The following MOB3B variants were observed in gnomAD, a reference collection of about 807,000 sequenced individuals.
MOB3B encodes MOB kinase activator 3B.
Under a neutral mutation model 18.7 loss-of-function variants are expected in MOB3B, and 7 were observed. The ratio of observed to expected loss-of-function variants is 0.37; its 90% confidence interval spans 0.21 to 0.70. The LOEUF (loss-of-function observed/expected upper bound fraction) is 0.70, where lower values mean the gene tolerates loss of function less well. Among genes scored for constraint, MOB3B ranks in the 30% least tolerant of loss-of-function variants. The pLI is 0.52. For synonymous variants in MOB3B, 111 were observed against 99.9 expected, an observed-to-expected ratio of 1.11 and a Z score of -0.66; for missense variants, 253 against 281.3, an observed-to-expected ratio of 0.90 and a Z score of 0.72.
At chr9:27,478,676 T>G (rs1028871075) in intron 1 of MOB3B, among the ~76,000 whole-genome samples, 8 of 152,162 alleles carry the variant, frequency 5.3e-5, no homozygotes, top group African/African-American at 1.9e-4. Context: ...ACACATTTAA[T>G]TGAAGTTCTG....
At chr9:27,517,368 T>C (rs1820251344) in intron 1 of MOB3B, among the ~76,000 whole-genome samples, 1 of 152,090 alleles carries the variant, frequency 6.6e-6, no homozygotes, top group East Asian at 1.9e-4. Context: ...AGAGGTAGAA[T>C]TGGCTGGGTG....
intron 1 of MOB3B, among the ~76,000 whole-genome samples, chr9:27,480,294 G>A (rs1819628638): frequency 7.0e-6 from 1 of 142,328 alleles, no homozygotes; most frequent in African/African-American, 2.7e-5. Context: ...ATGCCACCAT[G>A]CCCAGCTATT....
intron 2 of MOB3B, among the ~76,000 whole-genome samples, chr9:27,436,211 G>C (rs551383500): frequency 6.6e-6 from 1 of 152,218 alleles, no homozygotes; most frequent in Non-Finnish European, 1.5e-5. Flanking sequence ...ATGTGAGCTT[G>C]TACTTTGTAT....
chr9:27,524,138 A>G (rs528071437), intron 1 of MOB3B, among the ~76,000 whole-genome samples: 1 of 131,146 alleles, frequency 7.6e-6, no homozygotes, highest in South Asian at 2.7e-4. Flanking sequence ...AAGTCGGCAT[A>G]GTCACCCGAA....
At chr9:27,386,184 G>T (rs899974560) in intron 2 of MOB3B, among the ~76,000 whole-genome samples, 1 of 152,198 alleles carries the variant, frequency 6.6e-6, no homozygotes, top group East Asian at 1.9e-4. Context: ...TTGTGACTTT[G>T]GGCAGCCGAC....
At chr9:27,462,691 G>T (rs543329498) in intron 1 of MOB3B, among the ~76,000 whole-genome samples, 35 of 152,256 alleles carry the variant, frequency 2.3e-4, no homozygotes, top group African/African-American at 8.2e-4. Context: ...AAGGAAAAAG[G>T]TTCAAATTCA....
At position 27,412,402 on chromosome 9, in the gene MOB3B, G is replaced by A. The variant is rs147983587; in HGVS notation, c.418+42731C>T. ...TTTGTGGCAAAGCCCCCACCTTTCC[G>A]GATTCAAAAGGATTGTTGTCACTCA... On this transcript the variant is annotated intron_variant, in intron 2 of 3. Transcript: ENST00000262244. Among the ~76,000 whole-genome samples, 487 of 152,202 alleles carry A rather than the reference G, an allele frequency of 3.2e-3. 2 individuals carry two copies. Among genetic ancestry groups the A allele is most frequent in the African/African-American group, 0.011 (458 of 41,526 alleles).
At chr9:27,489,095 G>A (rs1373017476) in intron 1 of MOB3B, among the ~76,000 whole-genome samples, 1 of 152,214 alleles carries the variant, frequency 6.6e-6, no homozygotes, top group African/African-American at 2.4e-5. Flanking sequence ...CTTCTTCCTA[G>A]CCATTTTGAG....
intron 3 of MOB3B, among the ~76,000 whole-genome samples, chr9:27,349,549 C>T (rs1330740200): frequency 6.6e-6 from 1 of 152,188 alleles, no homozygotes; most frequent in Non-Finnish European, 1.5e-5. Context: ...GCCATACTGA[C>T]TATTTACATT....
chr9:27,524,860 A>G (rs745408520), intron 1 of MOB3B: 8 of 1,614,160 alleles, frequency 5.0e-6, no homozygotes, highest in Non-Finnish European at 5.9e-6. Context: ...TTCCTGAAAG[A>G]AAAGAAATAC....
intron 1 of MOB3B, among the ~76,000 whole-genome samples, chr9:27,504,191 T>C (rs193259897): frequency 1.4e-3 from 212 of 152,362 alleles, no homozygotes; most frequent in Admixed American, 2.3e-3. Flanking sequence ...ATTTATACGT[T>C]GGTATTCAGC....
intron 3 of MOB3B, among the ~76,000 whole-genome samples, chr9:27,350,263 A>G (rs1179305088): frequency 6.6e-6 from 1 of 150,392 alleles, no homozygotes; most frequent in African/African-American, 2.4e-5. Context: ...AGCATTATCT[A>G]TAGTAATACC....
intron 1 of MOB3B, among the ~76,000 whole-genome samples, chr9:27,496,572 C>T (rs543967017): frequency 2.6e-5 from 4 of 152,188 alleles, no homozygotes; most frequent in Non-Finnish European, 4.4e-5. Flanking sequence ...TGTGGTTAAC[C>T]GTGGTTCATC....
intron 2 of MOB3B, among the ~76,000 whole-genome samples, chr9:27,412,930 C>G (rs1011895632): frequency 6.6e-6 from 1 of 152,208 alleles, no homozygotes; most frequent in Non-Finnish European, 1.5e-5. Flanking sequence ...ATGGACCACG[C>G]TGAGGGACCA....
chr9:27,425,894 G>A (rs546462740), intron 2 of MOB3B, among the ~76,000 whole-genome samples: 1 of 152,144 alleles, frequency 6.6e-6, no homozygotes, highest in African/African-American at 2.4e-5. Flanking sequence ...TGAAATGAGG[G>A]ACTGGAAAAG....
intron 3 of MOB3B, among the ~76,000 whole-genome samples, chr9:27,340,653 C>T (rs1457053753): frequency 6.6e-6 from 1 of 152,160 alleles, no homozygotes; most frequent in East Asian, 1.9e-4. Context: ...CCATGTCCTT[C>T]CCACCTGTAT....
At chr9:27,492,031 T>C (rs1277406213) in intron 1 of MOB3B, among the ~76,000 whole-genome samples, 1 of 152,208 alleles carries the variant, frequency 6.6e-6, no homozygotes, top group East Asian at 1.9e-4. Flanking sequence ...TTGAGAATCC[T>C]TGTAGTGAAG....
intron 3 of MOB3B, among the ~76,000 whole-genome samples, chr9:27,331,678 C>T (rs62546175): frequency 6.6e-6 from 1 of 152,182 alleles, no homozygotes; most frequent in Non-Finnish European, 1.5e-5. Flanking sequence ...GAGCCCTGTG[C>T]CATTTAGCAT....
chr9:27,399,678 G>A (rs557234086), intron 2 of MOB3B, among the ~76,000 whole-genome samples: 1 of 152,274 alleles, frequency 6.6e-6, no homozygotes, highest in South Asian at 2.1e-4. Context: ...AGGACAGAGT[G>A]ATATAAACTC....
Sources: gnomAD v4.1 joint callset for allele counts (sites outside exome capture counted in the v4.1 genomes callset) on GRCh38, gnomAD v4.1.1 for gene constraint, MANE v1.5 for transcripts, NCBI Gene and HGNC (gene_info 2026-07-23, HGNC 2026-07-21) for gene names.